The following TMEM266 variants were observed in gnomAD, a reference collection of about 807,000 sequenced individuals.
The protein encoded by TMEM266 is Hv1 related protein 1.
TMEM266 carries 33 observed loss-of-function variants against 50.5 expected under a neutral mutation model. The observed-to-expected ratio is 0.65, with a 90% CI of 0.50 to 0.87. The LOEUF is 0.87. TMEM266 is among the 40% of genes least tolerant of loss of function. TMEM266 has a pLI of 0.00. For missense variants in TMEM266, 655 were observed against 695.1 expected (o/e 0.94, Z 0.65); for synonymous variants, 310 against 292.3 (o/e 1.06, Z -0.62).
intron 9 of TMEM266, among the ~76,000 whole-genome samples, chr15:76,194,418 C>G (rs1443740594): frequency 1.3e-5 from 2 of 152,212 alleles, no homozygotes; most frequent in Admixed American, 1.3e-4. Flanking sequence ...GTTCCAAAAT[C>G]TTTCATGCCA....
At chr15:76,157,039 A>G (rs1423259992) in intron 4 of TMEM266, among the ~76,000 whole-genome samples, 1 of 152,166 alleles carries the variant, frequency 6.6e-6, no homozygotes, top group South Asian at 2.1e-4. Flanking sequence ...ATGAGATGAA[A>G]AACGTTGGGG....
Position 76,203,744 on chromosome 15 carries a change from G to A in TMEM266, c.1025G>A (p.Ser342Asn), listed in dbSNP as rs906445212. ...AAGATCCCCTCCTACCTTGCAGACA[G>A]CGGTGTCCCAGAGCCAGCTGTGTGT... The change falls in exon 11 of 11, where the codon AGC becomes AAC. Residue 342 changes from serine to asparagine, a missense_variant. Coordinates refer to ENST00000388942, the MANE Select transcript of TMEM266 (RefSeq NM_152335.3). 1 of 1,611,638 alleles carries A rather than the reference G, an allele frequency of 6.2e-7. No homozygotes were observed. The highest frequency in any genetic ancestry group is 1.3e-5 in the African/African-American group (1 of 75,004).
Position 76,201,024 on chromosome 15 carries a change from C to T in TMEM266, c.959-1178C>T, listed in dbSNP as rs183528243. The stretch of plus-strand genomic sequence containing the variant: ...CAGAACACAGTGGGTCTGCTGACCC[C>T]ATTCTTCAGAGAAGCTCCTGGGGGT... On this transcript the variant is annotated intron_variant, in intron 9 of 10. Coordinates refer to ENST00000388942, the MANE Select transcript of TMEM266 (RefSeq NM_152335.3). 2.1e-3 allele frequency among the ~76,000 whole-genome samples: 326 copies of T among 152,214 alleles called. 1 individual carries two copies. The highest frequency in any genetic ancestry group is 7.5e-3 in the African/African-American group (312 of 41,536).
At position 76,168,982 on chromosome 15, in the gene TMEM266, A is replaced by AGGTC. The variant is rs1338551678; in HGVS notation, c.457-833_457-830dup. Reference sequence around the variant, plus strand: ...AAAATACAGGGGCTTAAACAAGGCAAGGTCCATTTCTCTCTCACGGAAAAA... The same window carrying AGGTC: ...AAAATACAGGGGCTTAAACAAGGCAAGGTCGGTCCATTTCTCTCTCACGGAAAAA... On this transcript the variant is annotated intron_variant, in intron 5 of 10. Coordinates refer to ENST00000388942, the MANE Select transcript of TMEM266 (RefSeq NM_152335.3). The surrounding 1 kb of genome is among the most constrained non-coding windows in gnomAD (Gnocchi z 4.4). Among the ~76,000 whole-genome samples, 2 of 152,256 alleles carry AGGTC rather than the reference A, an allele frequency of 1.3e-5. No individual in the cohort carries two copies. The highest frequency in any genetic ancestry group is 2.9e-5 in the Non-Finnish European group (2 of 68,044).
intron 8 of TMEM266, chr15:76,178,402 T>C (rs2038332298): frequency 6.6e-6 from 1 of 152,292 alleles, no homozygotes; most frequent in South Asian, 2.1e-4. Flanking sequence ...CAGTTCTCAT[T>C]CTGCTGTTGA....
At chr15:76,162,182 C>T (rs1017607946) in intron 5 of TMEM266, among the ~76,000 whole-genome samples, 7 of 152,162 alleles carry the variant, frequency 4.6e-5, no homozygotes, top group East Asian at 3.9e-4. Flanking sequence ...GGGCTGGCTC[C>T]GTTACCTTGA....
intron 1 of TMEM266, among the ~76,000 whole-genome samples, chr15:76,132,065 G>C (rs75925102): frequency 0.012 from 1,873 of 152,104 alleles, 39 homozygotes; most frequent in African/African-American, 0.043. Context: ...CTTCTAGATG[G>C]TACTGTAGCA....
At chr15:76,126,922 G>A (rs902597832) in intron 1 of TMEM266, among the ~76,000 whole-genome samples, 3 of 152,132 alleles carry the variant, frequency 2.0e-5, no homozygotes, top group African/African-American at 7.2e-5. Context: ...GGCAGGTGGT[G>A]AGGGAGAAGA....
chr15:76,187,747 A>G (rs1204927075), intron 8 of TMEM266, among the ~76,000 whole-genome samples: 1 of 152,198 alleles, frequency 6.6e-6, no homozygotes, highest in Non-Finnish European at 1.5e-5. Flanking sequence ...CATAGCCAGC[A>G]TGAGGCCTCA....
At chr15:76,158,322 T>C (rs2037959199) in intron 4 of TMEM266, among the ~76,000 whole-genome samples, 1 of 152,184 alleles carries the variant, frequency 6.6e-6, no homozygotes, top group African/African-American at 2.4e-5. Context: ...TAAAGGATCT[T>C]CCAGCATAAA....
At chr15:76,069,232 T>C (rs910014106) in intron 1 of TMEM266, among the ~76,000 whole-genome samples, 1 of 152,184 alleles carries the variant, frequency 6.6e-6, no homozygotes, top group Non-Finnish European at 1.5e-5. Flanking sequence ...GTCAAGTAGG[T>C]AGCTCTGTGA....
intron 8 of TMEM266, among the ~76,000 whole-genome samples, chr15:76,184,635 A>G (rs555218133): frequency 7.9e-5 from 12 of 152,366 alleles, no homozygotes; most frequent in African/African-American, 2.6e-4. Flanking sequence ...TTCTGGCCAA[A>G]GTGTGCATTG....
At chr15:76,164,056 CG>C (rs1240285805) in intron 5 of TMEM266, among the ~76,000 whole-genome samples, 2 of 152,232 alleles carry the variant, frequency 1.3e-5, no homozygotes, top group Non-Finnish European at 2.9e-5. Flanking sequence ...GCCCCCTATA[CG>C]GCCGCCCTGC....
chr15:76,133,443 AT>A (rs968095973), intron 1 of TMEM266, among the ~76,000 whole-genome samples: 4 of 152,126 alleles, frequency 2.6e-5, no homozygotes, highest in African/African-American at 9.7e-5. Flanking sequence ...TCTAAAAAAA[AT>A]AAATAAATAA....
At chr15:76,061,375 A>G (rs1316305629) in intron 1 of TMEM266, among the ~76,000 whole-genome samples, 1 of 152,212 alleles carries the variant, frequency 6.6e-6, no homozygotes, top group Non-Finnish European at 1.5e-5. Flanking sequence ...ACAAGCCAGG[A>G]CTTAGAAAGG....
Position 76,203,609 on chromosome 15 carries a change from C to CT in TMEM266, c.1022-130dup, listed in dbSNP as rs2038785395. ...TGGGAGGGAGTTCTACCAAGGCCTC[C>CT]TTCCACAAAGGCACGGTCTCCTACA... On this transcript the variant is annotated intron_variant, in intron 10 of 10. Coordinates refer to ENST00000388942, the MANE Select transcript of TMEM266 (RefSeq NM_152335.3). 19 of 814,496 alleles carry CT rather than the reference C, an allele frequency of 2.3e-5. No individual in the cohort carries two copies. The South Asian group carries it at 3.2e-4, about 14-fold the overall frequency. The allele number at this position is 814,496 out of a possible 1,614,324, so 50.5% of individuals were successfully genotyped here.
At chr15:76,088,342 T>C (rs2036802216) in intron 1 of TMEM266, among the ~76,000 whole-genome samples, 1 of 151,978 alleles carries the variant, frequency 6.6e-6, no homozygotes, top group Non-Finnish European at 1.5e-5. Flanking sequence ...CTGAAGAAGT[T>C]AGGAAAGAAA....
chr15:76,159,856 G>A (rs1488744774), intron 4 of TMEM266, among the ~76,000 whole-genome samples: 1 of 151,884 alleles, frequency 6.6e-6, no homozygotes, highest in African/African-American at 2.4e-5. Flanking sequence ...GGGAGAAGGA[G>A]GCAGTCCCTT....
chr15:76,160,063 C>G lies in TMEM266; in HGVS notation c.383-32C>G, dbSNP rs1440682439. The G allele has an allele frequency of 4.4e-6, 7 of 1,606,074 alleles. No homozygotes were observed. Among genetic ancestry groups the G allele is most frequent in the Non-Finnish European group, 6.0e-6 (7 of 1,172,756 alleles). ...ATAGCAACGCACCTAATTCCTCACT[C>G]CTAAAATTGGTCCTTATCGTGTCCA... is the stretch of plus-strand genomic sequence containing the variant. On this transcript the variant is annotated intron_variant, in intron 4 of 10. Coordinates refer to ENST00000388942, the MANE Select transcript of TMEM266 (RefSeq NM_152335.3). The surrounding 1 kb of genome is among the most constrained non-coding windows in gnomAD (Gnocchi z 5.7).
Sources: allele counts gnomAD v4.1 joint callset (sites outside exome capture counted in the v4.1 genomes callset), GRCh38; gene constraint gnomAD v4.1.1; non-coding constraint Gnocchi (gnomAD v3.1); transcripts MANE v1.5; gene names NCBI Gene and HGNC (gene_info 2026-07-23, HGNC 2026-07-21).